Variants in PCDH17 observed in about 807,000 individuals in gnomAD.
The protein encoded by PCDH17 is protocadherin 17, also known as protocadherin-17.
PCDH17 carries 21 observed loss-of-function variants against 67.7 expected under a neutral mutation model. The observed-to-expected ratio is 0.31, with a 90% CI of 0.22 to 0.45. The LOEUF is 0.45. Ranked by LOEUF, PCDH17 falls within the 20% of genes least tolerant of loss-of-function variation. The pLI is 1.00. For synonymous variants in PCDH17, 701 were observed against 656.7 expected (o/e 1.07, Z -1.03); for missense variants, 1,471 against 1,564.8 (o/e 0.94, Z 1.01).
intron 3 of PCDH17, among the ~76,000 whole-genome samples, chr13:57,707,236 G>C (rs1309830034): frequency 2.0e-5 from 3 of 151,806 alleles, no homozygotes; most frequent in Admixed American, 6.6e-5. Flanking sequence ...TACTTTCAGT[G>C]TCCAAAAACA....
intron 1 of PCDH17, among the ~76,000 whole-genome samples, chr13:57,660,983 TTG>T (rs1955175242): frequency 6.6e-6 from 1 of 152,192 alleles, no homozygotes. Context: ...ATACAGAATT[TTG>T]TGTGAACATA....
chr13:57,675,434 A>G (rs1179719238), intron 3 of PCDH17, among the ~76,000 whole-genome samples: 1 of 151,976 alleles, frequency 6.6e-6, no homozygotes, highest in Admixed American at 6.6e-5. Context: ...CTGGGTTTTC[A>G]GGGAGCTCAC....
In PCDH17 at chr13:57,633,413, C is replaced by G. The variant is rs374662445; in HGVS notation, c.867C>G (p.Arg289=). The change falls in exon 1 of 4, where the codon CGC becomes CGG. Residue 289 remains arginine (R), a synonymous_variant. Transcript: ENST00000377918. This position sits in a 1 kb window ranked among gnomAD's most constrained non-coding sequence, Gnocchi z 6.2. ...LYSFSSYVPD[R]VRELFSIDPK... Reference sequence around the variant, plus strand: ...CTTTCAGCAGCTACGTGCCTGACCGCGTGCGGGAGCTCTTCTCCATCGACC... The same window carrying G: ...CTTTCAGCAGCTACGTGCCTGACCGGGTGCGGGAGCTCTTCTCCATCGACC... 7 of 1,613,432 alleles carry G rather than the reference C, an allele frequency of 4.3e-6. No individual in the cohort carries two copies. The East Asian group carries it at 1.6e-4, about 36-fold the overall frequency.
rs368663128 is a variant in PCDH17 at position 57,695,677 on chromosome 13, T to G, written c.2797+28844T>G. 2.0e-5 allele frequency among the ~76,000 whole-genome samples: 3 copies of G among 151,422 alleles called. No homozygotes were observed. The East Asian group carries it at 5.8e-4, about 29-fold the overall frequency. ...AAACATCAAATTAGGGATGGAAAAC[T>G]GGGGCCAAATTTAAATGTTATGGAC... On this transcript the variant is annotated intron_variant, in intron 3 of 3. Coordinates refer to ENST00000377918, the MANE Select transcript of PCDH17 (RefSeq NM_001040429.3).
intron 3 of PCDH17, among the ~76,000 whole-genome samples, chr13:57,711,082 A>G (rs1276538670): frequency 6.6e-6 from 1 of 151,958 alleles, no homozygotes; most frequent in East Asian, 1.9e-4. Context: ...AGTTGGGAAA[A>G]GTGTTATATT....
intron 3 of PCDH17, among the ~76,000 whole-genome samples, chr13:57,681,424 C>A (rs1298464354): frequency 1.3e-5 from 2 of 151,678 alleles, no homozygotes; most frequent in African/African-American, 2.4e-5. Context: ...TAGTATTATT[C>A]TTTTGATTTA....
At chr13:57,639,551 C>A (rs898791773) in intron 1 of PCDH17, among the ~76,000 whole-genome samples, 10 of 151,808 alleles carry the variant, frequency 6.6e-5, no homozygotes, top group Non-Finnish European at 1.3e-4. Flanking sequence ...AATGTATTAA[C>A]TTCTTGATTC....
chr13:57,642,682 C>G (rs1018052220), intron 1 of PCDH17, among the ~76,000 whole-genome samples: 1 of 150,936 alleles, frequency 6.6e-6, no homozygotes, highest in Non-Finnish European at 1.5e-5. Context: ...TGGTTTTTTG[C>G]GTGCCTAAAA....
intron 1 of PCDH17, among the ~76,000 whole-genome samples, chr13:57,653,854 C>T (rs1348585879): frequency 1.3e-5 from 2 of 152,016 alleles, no homozygotes; most frequent in South Asian, 2.1e-4. Context: ...CAGGTGTTCC[C>T]ATGGCGGTAC....
At chr13:57,681,072 T>C (rs973875029) in intron 3 of PCDH17, among the ~76,000 whole-genome samples, 3 of 151,738 alleles carry the variant, frequency 2.0e-5, no homozygotes, top group Non-Finnish European at 4.4e-5. Context: ...TCTCCTCAAG[T>C]TGATGATATT....
chr13:57,634,698 A>G lies in PCDH17; in HGVS notation c.2152A>G (p.Ile718Val), dbSNP rs761270775. Residue 718 changes from isoleucine to valine, a missense_variant, in exon 1 of 4, where the codon ATC becomes GTC. By Grantham distance (29) the Ile-to-Val change is conservative. This residue lies in a region of PCDH17 where 1,163 missense variants were observed against 1,230.0 expected (regional missense o/e 0.95). Coordinates refer to ENST00000377918, the MANE Select transcript of PCDH17 (RefSeq NM_001040429.3). The surrounding 1 kb of genome is among the most constrained non-coding windows in gnomAD (Gnocchi z 7.8). ...LIVTLSTISI[I>V]LLAAMITIAV... ...CGTGACTCTGAGCACTATCTCCATC[A>G]TCCTCCTAGCGGCCATGATCACCAT... is the stretch of plus-strand genomic sequence containing the variant. 29 of 1,613,550 alleles carry G rather than the reference A, an allele frequency of 1.8e-5. No individual in the cohort carries two copies. The East Asian group carries it at 6.5e-4, about 36-fold the overall frequency.
At position 57,727,890 on chromosome 13, in the gene PCDH17, T is replaced by C. The variant is rs1163853099; in HGVS notation, c.*2596T>C. ...ATGTAAATGAAACCAGCAAAGAGAG[T>C]AGGGTTTATTTTATAAACATTCTTA... On this transcript the variant is annotated 3_prime_UTR_variant, in exon 4 of 4. Coordinates refer to ENST00000377918, the MANE Select transcript of PCDH17 (RefSeq NM_001040429.3). The C allele has an allele frequency of 1.3e-5, 2 of 152,462 alleles. No individual in the cohort carries two copies. Among genetic ancestry groups the C allele is most frequent in the African/African-American group, 4.8e-5 (2 of 41,428 alleles). The allele number at this position is 152,462 out of a possible 1,614,324, so 9.4% of individuals were successfully genotyped here. A position where few individuals can be genotyped will look rare whatever the true frequency, so the allele number is the denominator to read the frequency against.
chr13:57,708,126 T>A (rs1239175623), intron 3 of PCDH17, among the ~76,000 whole-genome samples: 1 of 152,034 alleles, frequency 6.6e-6, no homozygotes, highest in Non-Finnish European at 1.5e-5. Context: ...ATTTTAAAAA[T>A]ATATGACATA....
chr13:57,642,747 A>C, intron 1 of PCDH17, among the ~76,000 whole-genome samples: 1 of 151,712 alleles, frequency 6.6e-6, no homozygotes, highest in South Asian at 2.1e-4. Context: ...TAAATGAAAT[A>C]ATTAGGTTAT....
chr13:57,647,179 T>C (rs971788138), intron 1 of PCDH17, among the ~76,000 whole-genome samples: 3 of 151,918 alleles, frequency 2.0e-5, no homozygotes, highest in Admixed American at 6.6e-5. Flanking sequence ...AGTTGGCAAG[T>C]ACTTTTTAGT....
rs766084422 is a variant in PCDH17 at position 57,632,318 on chromosome 13, C to T, written c.-229C>T. 12 of 581,774 alleles carry T rather than the reference C, an allele frequency of 2.1e-5. No individual in the cohort carries two copies. Among genetic ancestry groups the T allele is most frequent in the Non-Finnish European group, 3.6e-5 (12 of 330,052 alleles). 36.0% of individuals were successfully genotyped at this position (581,774 alleles called of 1,614,324 possible). On this transcript the variant is annotated 5_prime_UTR_variant, in exon 1 of 4. Coordinates refer to ENST00000377918, the MANE Select transcript of PCDH17 (RefSeq NM_001040429.3). ...TCCAAGCCCCTGCAGCTCTGCTGCA[C>T]CGCAGCTTCTCACCCAGTGCGGATG... is the stretch of plus-strand genomic sequence containing the variant.
At chr13:57,665,267 A>G (rs1955236695) in intron 1 of PCDH17, among the ~76,000 whole-genome samples, 1 of 148,696 alleles carries the variant, frequency 6.7e-6, no homozygotes, top group Non-Finnish European at 1.5e-5. Flanking sequence ...TCTTTAATGT[A>G]TCAATACTTT....
intron 3 of PCDH17, among the ~76,000 whole-genome samples, chr13:57,684,583 A>T (rs1388171062): frequency 6.6e-6 from 1 of 151,918 alleles, no homozygotes; most frequent in Non-Finnish European, 1.5e-5. Context: ...AAAACCCATT[A>T]TTTATCAACC....
At position 57,632,749 on chromosome 13, in the gene PCDH17, A is replaced by G; in HGVS notation, c.203A>G (p.Glu68Gly). The G allele has an allele frequency of 1.2e-6, 2 of 1,612,504 alleles. No individual in the cohort carries two copies. Among genetic ancestry groups the G allele is most frequent in the Non-Finnish European group, 8.5e-7 (1 of 1,179,950 alleles). Residue 68 changes from glutamate (E) to glycine (G), a missense_variant, in exon 1 of 4, where the codon GAG becomes GGG. This residue lies in a region of PCDH17 where 1,163 missense variants were observed against 1,230.0 expected (regional missense o/e 0.95). Coordinates refer to ENST00000377918, the MANE Select transcript of PCDH17 (RefSeq NM_001040429.3). ...RSKSGSYRVLENSAPHLLDVD... is the reference protein window; with the variant it reads ...RSKSGSYRVLGNSAPHLLDVD... ...AAGTCGGGTAGCTACCGGGTGCTGG[A>G]GAACTCCGCACCGCACCTGCTGGAC...
Sources: gnomAD v4.1 joint callset for allele counts (sites outside exome capture counted in the v4.1 genomes callset) on GRCh38, gnomAD v4.1.1 for gene constraint, gnomAD v4.1.1 regional missense constraint, Gnocchi (gnomAD v3.1) non-coding constraint, MANE v1.5 for transcripts, NCBI Gene and HGNC (gene_info 2026-07-23, HGNC 2026-07-21) for gene names.